PTOV1: variants seen among roughly 807,000 people sequenced by gnomAD.
PTOV1 encodes the protein PTOV1 extended AT-hook containing adaptor protein, also known as prostate tumor-overexpressed gene 1 protein.
PTOV1 carries 20 observed loss-of-function variants against 58.0 expected under a neutral mutation model. That is an observed-to-expected ratio of 0.34 (90% CI 0.24 to 0.50). PTOV1 has a LOEUF of 0.50. Among genes scored for constraint, PTOV1 ranks in the 20% least tolerant of loss-of-function variants. The pLI, the probability that PTOV1 is intolerant of heterozygous loss-of-function variation, is 0.98. For missense variants in PTOV1, 593 were observed against 565.4 expected (o/e 1.05, Z -0.50); for synonymous variants, 335 against 234.2 (o/e 1.43, Z -3.93).
intron 5 of PTOV1, chr19:49,855,296 T>G: frequency 5.2e-6 from 3 of 573,470 alleles, no homozygotes; most frequent in Non-Finnish European, 9.4e-6. Flanking sequence ...TTTCTGCATC[T>G]GTGCCCAGCT....
Position 49,852,225 on chromosome 19 carries a change from C to T in PTOV1, c.171+726C>T, listed in dbSNP as rs146009502. 1,417 of 321,524 alleles carry T rather than the reference C, an allele frequency of 4.4e-3. 6 individuals carry two copies. Among genetic ancestry groups the T allele is most frequent in the Non-Finnish European group, 5.4e-3 (1,203 of 222,960 alleles). The allele number at this position is 321,524 out of a possible 1,614,324, so 19.9% of individuals were successfully genotyped here. A position where few individuals can be genotyped will look rare whatever the true frequency, so the allele number is the denominator to read the frequency against. Reference sequence around the variant, plus strand: ...TTTCCCCTGGGTTCGCGCTCGGGTCCGCTTCTTAAATACACTGCCTCAGCG... The same window carrying T: ...TTTCCCCTGGGTTCGCGCTCGGGTCTGCTTCTTAAATACACTGCCTCAGCG... On this transcript the variant is annotated intron_variant, in intron 1 of 11. Transcript: ENST00000391842.
At chr19:49,850,918 A>T, upstream of PTOV1, 1 of 1,535,742 alleles carries the variant, frequency 6.5e-7, no homozygotes, top group Non-Finnish European at 8.7e-7. Flanking sequence ...GCAAGGGGCC[A>T]GCTTGGTGTC....
Position 49,857,065 on chromosome 19 carries a change from C to G in PTOV1, c.649C>G (p.Leu217Val), listed in dbSNP as rs777156138. The change falls in exon 6 of 12, where the codon CTC (leucine) becomes GTC (valine). Residue 217 changes from leucine (L) to valine (V), a missense_variant. Coordinates refer to ENST00000391842, the Ensembl canonical transcript of PTOV1. ...GTCCAAGAAGAAGATCTTCATGGGCCTCATCCCCTACGACCAGAGCGGCTT... is the reference window on the plus strand; with the variant it reads ...GTCCAAGAAGAAGATCTTCATGGGCGTCATCCCCTACGACCAGAGCGGCTT... 3.1e-5 allele frequency: 50 copies of G among 1,614,008 alleles called. No homozygotes were observed. The highest frequency in any genetic ancestry group is 4.1e-5 in the Non-Finnish European group (48 of 1,180,000).
rs777571679 is a variant in PTOV1 at position 49,857,003 on chromosome 19, C to T, written c.587C>T (p.Ser196Phe). Residue 196 changes from serine (S) to phenylalanine (F), a missense_variant, in exon 6 of 12, where the codon TCC becomes TTC. Ser to Phe is a radical substitution (Grantham distance 155). Transcript: ENST00000391842. Reference sequence around the variant, plus strand: ...GGCTGCATGCTGTTCCCCCACATCTCCCCCTGTGAGGTGCGCGTGCTCATG... The same window carrying T: ...GGCTGCATGCTGTTCCCCCACATCTTCCCCTGTGAGGTGCGCGTGCTCATG... The T allele has an allele frequency of 8.1e-6, 13 of 1,613,506 alleles. No homozygotes were observed. The Admixed American group carries it at 2.0e-4, about 25-fold the overall frequency.
At position 49,860,537 on chromosome 19, in the gene PTOV1, G is replaced by T; in HGVS notation, c.*258G>T. 3.3e-5 allele frequency: 20 copies of T among 606,468 alleles called. No homozygotes were observed. The South Asian group carries it at 4.1e-4, about 13-fold the overall frequency. 37.6% of individuals were successfully genotyped at this position (606,468 alleles called of 1,614,324 possible). Reference sequence around the variant, plus strand: ...TGGTATCCAGGCCTGGGTGGGGCCAGGCCTCTGCTCACAGGGATGTGGGGT... The same window carrying T: ...TGGTATCCAGGCCTGGGTGGGGCCATGCCTCTGCTCACAGGGATGTGGGGT... On this transcript the variant is annotated 3_prime_UTR_variant, in exon 12 of 12. Transcript: ENST00000391842.
exon 6 of PTOV1, chr19:49,856,994 C>T (rs919854354): frequency 6.2e-7 from 1 of 1,613,412 alleles, no homozygotes; most frequent in Non-Finnish European, 8.5e-7. Context: ...ATGCTGTTCC[C>T]CCACATCTCC....
chr19:49,857,308 C>G, intron 6 of PTOV1, 178 bp downstream of exon 6: 1 of 863,450 alleles, frequency 1.2e-6, no homozygotes, highest in Admixed American at 2.7e-5. Context: ...AAAGCGGCCA[C>G]TGGGCGGCTC....
intron 1 of PTOV1, chr19:49,852,537 T>C (rs1286418097): frequency 6.6e-6 from 1 of 152,174 alleles, no homozygotes; most frequent in African/African-American, 2.4e-5. Context: ...TGCCAAGATG[T>C]GAGATTTACT....
upstream of PTOV1, chr19:49,850,989 G>C (rs1286373247): frequency 6.5e-7 from 1 of 1,534,792 alleles, no homozygotes; most frequent in African/African-American, 1.4e-5. Context: ...GCCCCCTGAA[G>C]TTGTGGCTCG....
chr19:49,858,443 CAG>C lies in PTOV1; in HGVS notation c.937-105_937-104del, dbSNP rs927188645. ...ATGACGTTTCCTGAGGTAGGGAGGA[CAG>C]GGGAGTCTCAGTTTGGTCCTGGGCC... is the stretch of plus-strand genomic sequence containing the variant. On this transcript the variant is annotated intron_variant, in intron 9 of 11. Coordinates refer to ENST00000391842, the Ensembl canonical transcript of PTOV1. 316 of 863,828 alleles carry C rather than the reference CAG, an allele frequency of 3.7e-4. 3 individuals carry two copies. In the South Asian group the frequency reaches 4.6e-3, roughly 13 times the overall value. The allele number at this position is 863,828 out of a possible 1,614,324, so 53.5% of individuals were successfully genotyped here. A position where few individuals can be genotyped will look rare whatever the true frequency, so the allele number is the denominator to read the frequency against.
exon 11 of PTOV1, chr19:49,860,102 T>G (rs1163832558): frequency 1.2e-6 from 2 of 1,614,072 alleles, no homozygotes; most frequent in Admixed American, 1.7e-5. Flanking sequence ...AGGGCAACTT[T>G]GTCAACGGCA....
At chr19:49,856,762 C>T (rs963162664) in intron 5 of PTOV1, 4 of 564,588 alleles carry the variant, frequency 7.1e-6, no homozygotes, top group African/African-American at 5.7e-5. Flanking sequence ...GTGCCGGGTG[C>T]CACTCTGACC....
At chr19:49,854,308 G>A in intron 1 of PTOV1, 98 bp from the exon 2 acceptor site, 1 of 1,478,304 alleles carries the variant, frequency 6.8e-7, no homozygotes, top group Non-Finnish European at 9.1e-7. Context: ...GGGGATTTGG[G>A]GCTGAATATT....
exon 10 of PTOV1, chr19:49,858,645 A>C: frequency 1.9e-6 from 3 of 1,597,272 alleles, no homozygotes; most frequent in Non-Finnish European, 2.6e-6. Flanking sequence ...GATCATGGAC[A>C]ATGGCTTCGT....
exon 9 of PTOV1, chr19:49,858,075 A>G (rs746254567): frequency 3.7e-6 from 6 of 1,613,912 alleles, no homozygotes; most frequent in Admixed American, 1.7e-5. Context: ...AGCAGTGGCC[A>G]AGGAAGCTGT....
At chr19:49,860,611 C>CTGCTATCCCCAACAGTACCTGT in exon 12 of PTOV1, 2 of 505,812 alleles carry the variant, frequency 4.0e-6, no homozygotes, top group Non-Finnish European at 7.0e-6. Context: ...CCCCTGCCCC[C>CTGCTATCCCCAACAGTACCTGT]AGGTGACACG....
chr19:49,853,396 C>T (rs1023847000), intron 1 of PTOV1, among the ~76,000 whole-genome samples: 2 of 151,180 alleles, frequency 1.3e-5, no homozygotes, highest in African/African-American at 2.4e-5. Context: ...TGGCCCTCGT[C>T]TGTAATCCCA....
chr19:49,851,298 C>T, exon 1 of PTOV1: 1 of 1,058,184 alleles, frequency 9.5e-7, no homozygotes. Context: ...TGGCCCGCGG[C>T]AGCTCCCCGC....
At position 49,859,975 on chromosome 19, in the gene PTOV1, G is replaced by A. The variant is rs1031732519; in HGVS notation, c.1042-11G>A. On this transcript the variant is annotated splice_polypyrimidine_tract_variant and intron_variant, in intron 10 of 11. Coordinates refer to ENST00000391842, the Ensembl canonical transcript of PTOV1. ...GTGCTGTCTGGTGACACCACGCCCT[G>A]TGCCTGCCAGGCCGGCTGCGTGCAC... 3 of 1,613,884 alleles carry A rather than the reference G, an allele frequency of 1.9e-6. No homozygotes were observed. The Admixed American group carries it at 5.0e-5, about 27-fold the overall frequency.
Sources: allele counts gnomAD v4.1 joint callset (sites outside exome capture counted in the v4.1 genomes callset), GRCh38; gene constraint gnomAD v4.1.1; transcripts MANE v1.5; gene names NCBI Gene and HGNC (gene_info 2026-07-23, HGNC 2026-07-21).